Variants in ATP8A1 observed in about 807,000 individuals in gnomAD.
ATP8A1 encodes ATPase phospholipid transporting 8A1.
In ATP8A1, 90 loss-of-function variants were observed where a neutral mutation model predicts 177.7. The observed-to-expected ratio is 0.51, with a 90% CI of 0.43 to 0.60. The LOEUF (loss-of-function observed/expected upper bound fraction) is 0.60, where lower values mean the gene tolerates loss of function less well. Among genes scored for constraint, ATP8A1 ranks in the 20% least tolerant of loss-of-function variants. The pLI is 0.00. For synonymous variants in ATP8A1, 493 were observed against 485.9 expected, an observed-to-expected ratio of 1.01 and a Z score of -0.19; for missense variants, 1,072 against 1,392.8, an observed-to-expected ratio of 0.77 and a Z score of 3.67.
intron 5 of ATP8A1, among the ~76,000 whole-genome samples, chr4:42,608,085 G>A (rs1449093343): frequency 6.6e-6 from 1 of 152,218 alleles, no homozygotes; most frequent in Admixed American, 6.5e-5. Context: ...TTTTTATTCA[G>A]CAGGATACAA....
chr4:42,614,918 C>T (rs1222642092), intron 5 of ATP8A1, among the ~76,000 whole-genome samples: 4 of 152,172 alleles, frequency 2.6e-5, no homozygotes, highest in African/African-American at 9.7e-5. Context: ...TCAAGATACA[C>T]CACAGTTTTC....
At chr4:42,485,156 A>G (rs901237678) in intron 25 of ATP8A1, among the ~76,000 whole-genome samples, 15 of 152,202 alleles carry the variant, frequency 9.9e-5, no homozygotes, top group African/African-American at 3.6e-4. Flanking sequence ...TTCCCCCAAA[A>G]TAAGTCTTAG....
intron 22 of ATP8A1, among the ~76,000 whole-genome samples, chr4:42,520,035 T>A (rs1229296603): frequency 6.6e-6 from 1 of 152,134 alleles, no homozygotes; most frequent in South Asian, 2.1e-4. Context: ...ACGTTGAACA[T>A]CTAGTTCAGT....
chr4:42,631,853 G>C (rs1345705724), intron 1 of ATP8A1, among the ~76,000 whole-genome samples: 1 of 152,108 alleles, frequency 6.6e-6, no homozygotes, highest in East Asian at 1.9e-4. Context: ...GAAACGAGAA[G>C]GTATACTCAA....
chr4:42,590,803 G>C lies in ATP8A1; in HGVS notation c.524+8C>G. ...TACACGCATCCTATACGACTCAGTG[G>C]TTCTAACCTTGAGGACAGACTGATG... On this transcript the variant is annotated splice_region_variant and intron_variant, in intron 7 of 36. Coordinates refer to ENST00000381668, the MANE Select transcript of ATP8A1 (RefSeq NM_006095.2). 6.2e-7 allele frequency: 1 copy of C among 1,613,464 alleles called. No individual in the cohort carries two copies. The highest frequency in any genetic ancestry group is 8.5e-7 in the Non-Finnish European group (1 of 1,179,620).
chr4:42,575,905 G>A (rs1334288969), intron 12 of ATP8A1, among the ~76,000 whole-genome samples: 2 of 152,160 alleles, frequency 1.3e-5, no homozygotes, highest in Non-Finnish European at 2.9e-5. Context: ...TCCACAGTAA[G>A]GGCAGAACAG....
intron 24 of ATP8A1, among the ~76,000 whole-genome samples, chr4:42,486,030 A>G (rs552825629): frequency 6.6e-6 from 1 of 152,314 alleles, no homozygotes; most frequent in Admixed American, 6.5e-5. Context: ...CATAAATTTA[A>G]TTTATTTAGT....
intron 14 of ATP8A1, among the ~76,000 whole-genome samples, chr4:42,573,496 G>C (rs1229041493): frequency 2.6e-5 from 4 of 152,104 alleles, no homozygotes; most frequent in Non-Finnish European, 1.5e-5. Flanking sequence ...AGATAAAGAA[G>C]AAAGATGAAA....
At chr4:42,593,986 T>C (rs1175938977) in intron 6 of ATP8A1, among the ~76,000 whole-genome samples, 3 of 151,982 alleles carry the variant, frequency 2.0e-5, no homozygotes, top group Admixed American at 1.3e-4. Flanking sequence ...ATGTATTATA[T>C]AAAATAAATG....
In ATP8A1 at chr4:42,524,821, T is replaced by C; in HGVS notation, c.1749A>G (p.Ala583=). Residue 583 remains alanine, a synonymous_variant, in exon 21 of 37, where the codon GCA becomes GCG. Transcript: ENST00000381668. ...GADTVIYDRL[A]ETSKYKEITL... is the part of the protein sequence containing the mutation. ...TAATTTCTTTGTATTTTGACGTCTC[T>C]GCCAGTCGATCATAAATTACAGTGT... 6.2e-7 allele frequency: 1 copy of C among 1,609,870 alleles called. No homozygotes were observed. The highest frequency in any genetic ancestry group is 8.5e-7 in the Non-Finnish European group (1 of 1,178,182).
chr4:42,487,137 T>A (rs1335063394), intron 24 of ATP8A1, among the ~76,000 whole-genome samples: 1 of 152,144 alleles, frequency 6.6e-6, no homozygotes, highest in African/African-American at 2.4e-5. Flanking sequence ...GATGTTGTAT[T>A]TAGTTGGGGA....
chr4:42,440,356 T>A (rs77788896), intron 33 of ATP8A1, among the ~76,000 whole-genome samples: 2 of 137,058 alleles, frequency 1.5e-5, no homozygotes, highest in Non-Finnish European at 1.6e-5. Context: ...TTTTTTTTTT[T>A]AATCTGACTA....
chr4:42,437,969 A>T (rs1716179466), intron 33 of ATP8A1, among the ~76,000 whole-genome samples: 1 of 152,256 alleles, frequency 6.6e-6, no homozygotes, highest in Non-Finnish European at 1.5e-5. Flanking sequence ...AGGACAGCTG[A>T]AGATGGAAAT....
In ATP8A1 at chr4:42,555,319, A is replaced by AGATAACTTATTTCTATAAGTTATTTC. The variant is rs566094643; in HGVS notation, c.1413+623_1413+648dup. 5.3e-3 allele frequency among the ~76,000 whole-genome samples: 806 copies of AGATAACTTATTTCTATAAGTTATTTC among 152,034 alleles called. 11 individuals carry two copies. Among genetic ancestry groups the AGATAACTTATTTCTATAAGTTATTTC allele is most frequent in the African/African-American group, 0.018 (740 of 41,348 alleles). On this transcript the variant is annotated intron_variant, in intron 16 of 36. Coordinates refer to ENST00000381668, the MANE Select transcript of ATP8A1 (RefSeq NM_006095.2). ...GTATATTTAGCCTATGGTACTGAGC[A>AGATAACTTATTTCTATAAGTTATTTC]GATAACTTATTTCTATAAGTTATTT... is the stretch of plus-strand genomic sequence containing the variant.
At chr4:42,612,580 G>A (rs1356122799) in intron 5 of ATP8A1, among the ~76,000 whole-genome samples, 1 of 151,306 alleles carries the variant, frequency 6.6e-6, no homozygotes, top group Non-Finnish European at 1.5e-5. Context: ...TAGGTTGTTG[G>A]AAAACAGTAC....
At chr4:42,575,996 A>G (rs769157925) in intron 12 of ATP8A1, among the ~76,000 whole-genome samples, 3 of 152,154 alleles carry the variant, frequency 2.0e-5, no homozygotes, top group African/African-American at 4.8e-5. Flanking sequence ...ATGACCTATT[A>G]TAAGGATTAA....
intron 35 of ATP8A1, among the ~76,000 whole-genome samples, chr4:42,420,234 C>T (rs994967521): frequency 4.6e-5 from 7 of 152,184 alleles, no homozygotes; most frequent in East Asian, 1.9e-4. Context: ...CCATCAAGCA[C>T]GAAGCCACTA....
chr4:42,465,963 C>T (rs983021637), intron 25 of ATP8A1, among the ~76,000 whole-genome samples: 19 of 137,676 alleles, frequency 1.4e-4, no homozygotes, highest in Middle Eastern at 8.3e-3. Flanking sequence ...ACCCAGGAGG[C>T]GGAGCTTGCA....
chr4:42,471,709 TATC>T, intron 25 of ATP8A1: 1 of 265,846 alleles, frequency 3.8e-6, no homozygotes, highest in Non-Finnish European at 7.4e-6. Context: ...CTTCAGAAAA[TATC>T]ATCTAGTTAT....
Sources: allele counts gnomAD v4.1 joint callset (sites outside exome capture counted in the v4.1 genomes callset), GRCh38; gene constraint gnomAD v4.1.1; transcripts MANE v1.5; gene names NCBI Gene and HGNC (gene_info 2026-07-23, HGNC 2026-07-21).